GABRA4: variants seen among roughly 807,000 people sequenced by gnomAD.
The protein encoded by GABRA4 is gamma-aminobutyric acid type A receptor subunit alpha4, also known as gamma-aminobutyric acid receptor subunit alpha-4.
GABRA4 carries 12 observed loss-of-function variants against 49.7 expected under a neutral mutation model. The observed-to-expected ratio is 0.24, with a 90% confidence interval of 0.15 to 0.39. GABRA4 has a LOEUF of 0.39. Among genes scored for constraint, GABRA4 ranks in the 10% least tolerant of loss-of-function variants. GABRA4 has a pLI of 1.00. For synonymous variants in GABRA4, 288 were observed against 240.2 expected (o/e 1.20, Z -1.84); for missense variants, 506 against 686.0 (o/e 0.74, Z 2.93).
chr4:46,926,604 T>G lies in GABRA4; in HGVS notation c.*1621A>C, dbSNP rs1195894411. On this transcript the variant is annotated 3_prime_UTR_variant, in exon 9 of 9. Transcript: ENST00000264318. Reference sequence around the variant, plus strand: ...AAAACAAAAAGAGAGAGAGAGATTTTGTCTGCAAGGTGGTCATTTCTATCA... The same window carrying G: ...AAAACAAAAAGAGAGAGAGAGATTTGGTCTGCAAGGTGGTCATTTCTATCA... 6.6e-6 allele frequency: 1 copy of G among 151,958 alleles called. No individual in the cohort carries two copies. The highest frequency in any genetic ancestry group is 2.4e-5 in the African/African-American group (1 of 41,436). The allele number at this position is 151,958 out of a possible 1,614,324, so 9.4% of individuals were successfully genotyped here.
chr4:46,930,803 G>A lies in GABRA4; in HGVS notation c.1135-2048C>T, dbSNP rs534042630. ...TAACAGGAACTAAGTCTACTTTCCTGCCTAAAATGACCCCCAAAACTTAAA... is the reference window on the plus strand; with the variant it reads ...TAACAGGAACTAAGTCTACTTTCCTACCTAAAATGACCCCCAAAACTTAAA... On this transcript the variant is annotated intron_variant, in intron 8 of 8. Transcript: ENST00000264318. Among the ~76,000 whole-genome samples, 4 of 151,564 alleles carry A rather than the reference G, an allele frequency of 2.6e-5. No homozygotes were observed. In the East Asian group the frequency reaches 7.8e-4, roughly 30 times the overall value.
At chr4:46,982,584 C>A (rs1048684466) in intron 2 of GABRA4, among the ~76,000 whole-genome samples, 1 of 152,066 alleles carries the variant, frequency 6.6e-6, no homozygotes, top group South Asian at 2.1e-4. Flanking sequence ...CAAAATTTAT[C>A]GTTTTTCCTA....
chr4:46,922,221 A>C lies in GABRA4; in HGVS notation c.*6004T>G, dbSNP rs901385004. 5.3e-5 allele frequency: 8 copies of C among 152,168 alleles called. No individual in the cohort carries two copies. Among genetic ancestry groups the C allele is most frequent in the African/African-American group, 1.9e-4 (8 of 41,448 alleles). The allele number at this position is 152,168 out of a possible 1,614,324, so 9.4% of individuals were successfully genotyped here. On this transcript the variant is annotated 3_prime_UTR_variant, in exon 9 of 9. Transcript: ENST00000264318. ...ATAACATAAAGAAAGTAAAACAGAG[A>C]GTTTTACACTGTGAACTACATAGGC...
Position 46,927,424 on chromosome 4 carries a change from T to C in GABRA4, c.*801A>G, listed in dbSNP as rs1721267683. 6.6e-6 allele frequency: 1 copy of C among 152,546 alleles called. No individual in the cohort carries two copies. The highest frequency in any genetic ancestry group is 2.4e-5 in the African/African-American group (1 of 41,454). 9.4% of individuals were successfully genotyped at this position (152,546 alleles called of 1,614,324 possible). A position where few individuals can be genotyped will look rare whatever the true frequency, so the allele number is the denominator to read the frequency against. The stretch of plus-strand genomic sequence containing the variant: ...GTTCTTTGGCATGCATTGACTGTTC[T>C]ACTTTTTAAGTAATATTGTAGATAA... On this transcript the variant is annotated 3_prime_UTR_variant, in exon 9 of 9. Coordinates refer to ENST00000264318, the MANE Select transcript of GABRA4 (RefSeq NM_000809.4).
chr4:46,979,034 T>G lies in GABRA4; in HGVS notation c.270A>C (p.Glu90Asp), dbSNP rs199585669. Reference sequence around the variant, plus strand: ...ATTAAACTTCGAAAATACCTACCATTTCAACATCAGAAACAGGTCCAAAGC... The same window carrying G: ...ATTAAACTTCGAAAATACCTACCATGTCAACATCAGAAACAGGTCCAAAGC... ...VTSFGPVSDV[E>D]MEYTMDVFFR... The change falls in exon 3 of 9, where the codon GAA (glutamate) becomes GAC (aspartate). Residue 90 changes from glutamate (E) to aspartate (D), a missense_variant. By Grantham distance (45) the Glu-to-Asp change is conservative. Around this residue, in one of 5 missense-constraint regions of GABRA4, gnomAD observed 195 missense variants for 326.0 expected, o/e 0.60. Transcript: ENST00000264318. 3 of 1,605,758 alleles carry G rather than the reference T, an allele frequency of 1.9e-6. No individual in the cohort carries two copies. In the East Asian group the frequency reaches 6.7e-5, roughly 36 times the overall value.
chr4:46,972,095 G>A (rs1322238716), intron 6 of GABRA4, among the ~76,000 whole-genome samples: 1 of 151,728 alleles, frequency 6.6e-6, no homozygotes, highest in East Asian at 1.9e-4. Context: ...CCCATTTGCA[G>A]ACTGGAAAAT....
chr4:46,967,428 T>C (rs182032298), intron 7 of GABRA4, among the ~76,000 whole-genome samples: 31 of 151,686 alleles, frequency 2.0e-4, no homozygotes, highest in Admixed American at 7.9e-4. Flanking sequence ...CCTCTTATCA[T>C]GTGAATAAAT....
At chr4:46,983,922 A>G (rs1723443193) in intron 2 of GABRA4, among the ~76,000 whole-genome samples, 2 of 152,086 alleles carry the variant, frequency 1.3e-5, no homozygotes, top group East Asian at 3.9e-4. Context: ...AGATGATTCA[A>G]CAGTTTTTGG....
chr4:46,947,416 A>G (rs1722019158), intron 8 of GABRA4, among the ~76,000 whole-genome samples: 1 of 152,000 alleles, frequency 6.6e-6, no homozygotes, highest in Admixed American at 6.6e-5. Flanking sequence ...GTTCTAAGTA[A>G]AGGTCCAATT....
chr4:46,954,556 C>CAAAA (rs60422399), intron 8 of GABRA4, among the ~76,000 whole-genome samples: 2 of 88,840 alleles, frequency 2.3e-5, no homozygotes, highest in African/African-American at 8.1e-5. Flanking sequence ...AAACGCCATC[C>CAAAA]AAAAAAAAAA....
At chr4:46,932,073 G>T (rs953115740) in intron 8 of GABRA4, among the ~76,000 whole-genome samples, 1 of 152,116 alleles carries the variant, frequency 6.6e-6, no homozygotes, top group African/African-American at 2.4e-5. Context: ...GGGAGGTGCT[G>T]CCAAGGGCTC....
intron 2 of GABRA4, among the ~76,000 whole-genome samples, chr4:46,981,343 G>A (rs75253498): frequency 2.6e-5 from 4 of 152,024 alleles, no homozygotes; most frequent in Non-Finnish European, 5.9e-5. Context: ...TAGTTACAAT[G>A]ATTCCATGAT....
intron 8 of GABRA4, among the ~76,000 whole-genome samples, chr4:46,943,566 C>T (rs568605601): frequency 6.6e-6 from 1 of 152,176 alleles, no homozygotes; most frequent in Admixed American, 6.6e-5. Context: ...AATTATATGG[C>T]ATAGCATTCT....
At chr4:46,992,624 G>T (rs1001792345) in intron 2 of GABRA4, 3 of 579,080 alleles carry the variant, frequency 5.2e-6, no homozygotes, top group African/African-American at 3.7e-5. Flanking sequence ...GAGAGGCAAA[G>T]CTTCTGAGGG....
At chr4:46,935,213 C>T (rs903985986) in intron 8 of GABRA4, among the ~76,000 whole-genome samples, 15 of 152,164 alleles carry the variant, frequency 9.9e-5, no homozygotes, top group African/African-American at 3.4e-4. Flanking sequence ...TGTGGGCTCC[C>T]AAATAAGACA....
intron 8 of GABRA4, among the ~76,000 whole-genome samples, chr4:46,932,163 G>A (rs916068656): frequency 5.9e-5 from 9 of 152,050 alleles, no homozygotes; most frequent in Admixed American, 5.2e-4. Context: ...CCTTTAGGGG[G>A]CACTGTTGCC....
intron 8 of GABRA4, among the ~76,000 whole-genome samples, chr4:46,959,601 G>A (rs1337954273): frequency 6.6e-6 from 1 of 151,494 alleles, no homozygotes; most frequent in East Asian, 2.0e-4. Flanking sequence ...GGCAATTGCT[G>A]TAGTCAGGAA....
chr4:46,973,069 C>G lies in GABRA4; in HGVS notation c.721+1163G>C, dbSNP rs563701304. Among the ~76,000 whole-genome samples, 23 of 151,850 alleles carry G rather than the reference C, an allele frequency of 1.5e-4. No individual in the cohort carries two copies. In the South Asian group the frequency reaches 4.6e-3, roughly 30 times the overall value. On this transcript the variant is annotated intron_variant, in intron 6 of 8. Transcript: ENST00000264318. ...CTTAGGCAAATACATTGTACTTAAA[C>G]CTTTCTCGTGTATAAAATAAATGTT...
chr4:46,925,373 G>T lies in GABRA4; in HGVS notation c.*2852C>A, dbSNP rs1437508993. 1.3e-5 allele frequency: 2 copies of T among 151,894 alleles called. No homozygotes were observed. The highest frequency in any genetic ancestry group is 2.9e-5 in the Non-Finnish European group (2 of 67,884). 9.4% of individuals were successfully genotyped at this position (151,894 alleles called of 1,614,324 possible). On this transcript the variant is annotated 3_prime_UTR_variant, in exon 9 of 9. Coordinates refer to ENST00000264318, the MANE Select transcript of GABRA4 (RefSeq NM_000809.4). ...TCATGTAAATATATGTTTATACCTA[G>T]TCATGCCTGGAGGAAATTGAAAGTA...
Sources: gnomAD v4.1 joint callset for allele counts (sites outside exome capture counted in the v4.1 genomes callset) on GRCh38, gnomAD v4.1.1 for gene constraint, gnomAD v4.1.1 regional missense constraint, MANE v1.5 for transcripts, NCBI Gene and HGNC (gene_info 2026-07-23, HGNC 2026-07-21) for gene names.